The following HDAC8 variants were observed in gnomAD, a reference collection of about 807,000 sequenced individuals.
HDAC8 encodes the protein histone deacetylase 8.
A neutral mutation model predicts 32.2 loss-of-function variants in HDAC8; 1 was observed. The ratio of observed to expected loss-of-function variants is 0.03; its 90% CI spans 0.01 to 0.15. The LOEUF is 0.15. HDAC8 is among the 10% of genes least tolerant of loss of function. HDAC8 has a pLI of 1.00. For missense variants in HDAC8, 117 were observed against 300.0 expected (o/e 0.39, Z 4.51); for synonymous variants, 108 against 113.9 (o/e 0.95, Z 0.33).
intron 4 of HDAC8, among the ~76,000 whole-genome samples, chrX:72,559,495 G>A (rs1355900890): frequency 9.1e-6 from 1 of 109,979 alleles, no homozygotes; most frequent in African/African-American, 3.3e-5. Context: ...CCGCCACCCC[G>A]TCTGGGAAGT....
intron 7 of HDAC8, among the ~76,000 whole-genome samples, chrX:72,477,216 G>A (rs962924869): frequency 3.3e-4 from 37 of 111,788 alleles, no homozygotes; most frequent in African/African-American, 1.1e-3. Flanking sequence ...ACTATAGTTA[G>A]AACATTTACG....
intron 4 of HDAC8, among the ~76,000 whole-genome samples, chrX:72,521,840 C>T (rs1483274769): frequency 9.0e-6 from 1 of 110,920 alleles, no homozygotes; most frequent in Non-Finnish European, 1.9e-5. Context: ...CATTCTCGGT[C>T]CTCAACATAC....
At chrX:72,532,648 A>T (rs1294131778) in intron 4 of HDAC8, among the ~76,000 whole-genome samples, 4 of 109,867 alleles carry the variant, frequency 3.6e-5, no homozygotes, top group African/African-American at 1.3e-4. Context: ...TAATGCTCTT[A>T]TTGACTACTT....
intron 10 of HDAC8, among the ~76,000 whole-genome samples, chrX:72,337,030 G>A (rs2043715932): frequency 8.9e-6 from 1 of 112,386 alleles, no homozygotes; most frequent in African/African-American, 3.2e-5. Flanking sequence ...GATTACAGGA[G>A]TGAGCTACTG....
intron 4 of HDAC8, among the ~76,000 whole-genome samples, chrX:72,539,574 T>C (rs1305194348): frequency 9.0e-6 from 1 of 111,261 alleles, no homozygotes; most frequent in Non-Finnish European, 1.9e-5. Flanking sequence ...CTAAAACCAT[T>C]CTTAAAAAAT....
chrX:72,408,500 G>A (rs1017624768), intron 9 of HDAC8, among the ~76,000 whole-genome samples: 4 of 111,111 alleles, frequency 3.6e-5, no homozygotes, highest in African/African-American at 9.8e-5. Context: ...TCTGCCTCCC[G>A]GGTTCAAGTG....
chrX:72,404,853 T>C (rs1212862484), intron 9 of HDAC8, among the ~76,000 whole-genome samples: 18 of 111,091 alleles, frequency 1.6e-4, no homozygotes, highest in Non-Finnish European at 3.0e-4. Flanking sequence ...TAATTTCTTT[T>C]TTATTTACCT....
rs1305086570 is a variant in HDAC8, at chrX:72,329,576, G to C, written c.*478C>G. On this transcript the variant is annotated 3_prime_UTR_variant, in exon 11 of 11. Transcript: ENST00000373573. ...TATATAACACTAAAACAACACCAGC[G>C]GACTTCTCCCCACCTCCCAGTCTGC... 4 of 898,785 alleles carry C rather than the reference G, an allele frequency of 4.5e-6. No individual in the cohort carries two copies. The highest frequency in any genetic ancestry group is 2.0e-5 in the African/African-American group (1 of 49,090). The allele number at this position is 898,785 out of a possible 1,213,427, so 74.1% of individuals were successfully genotyped here.
chrX:72,552,824 T>C (rs1332315343), intron 4 of HDAC8, among the ~76,000 whole-genome samples: 1 of 88,831 alleles, frequency 1.1e-5, no homozygotes, highest in Non-Finnish European at 1.9e-5. Flanking sequence ...TACGTATATA[T>C]ACATATATAT....
At chrX:72,558,613 A>G (rs782734173) in intron 4 of HDAC8, among the ~76,000 whole-genome samples, 1 of 111,940 alleles carries the variant, frequency 8.9e-6, no homozygotes, top group Non-Finnish European at 1.9e-5. Flanking sequence ...ATAATCTACA[A>G]CAAACCCACG....
chrX:72,439,518 CA>C (rs1214866811), intron 9 of HDAC8, among the ~76,000 whole-genome samples: 1 of 108,091 alleles, frequency 9.3e-6, no homozygotes, highest in African/African-American at 3.4e-5. Context: ...CAAAGACTGG[CA>C]AACTGGATAA....
chrX:72,507,591 G>A (rs1569354891), intron 4 of HDAC8, among the ~76,000 whole-genome samples: 1 of 111,668 alleles, frequency 9.0e-6, no homozygotes, highest in African/African-American at 3.3e-5. Flanking sequence ...TTGTTTACCT[G>A]TCTCTATAAA....
chrX:72,385,286 G>T (rs1467693875), intron 9 of HDAC8, among the ~76,000 whole-genome samples: 1 of 110,803 alleles, frequency 9.0e-6, no homozygotes, highest in Non-Finnish European at 1.9e-5. Context: ...ACCATAGCAA[G>T]ATCTTGTCTC....
intron 9 of HDAC8, among the ~76,000 whole-genome samples, chrX:72,444,476 T>A (rs1399841094): frequency 1.0e-4 from 11 of 110,450 alleles, no homozygotes; most frequent in Admixed American, 8.7e-4. Flanking sequence ...GCCTTTGACA[T>A]AATTCAACAC....
chrX:72,529,259 ATGAT>A (rs1556034354), intron 4 of HDAC8, among the ~76,000 whole-genome samples: 1 of 112,476 alleles, frequency 8.9e-6, no homozygotes, highest in Non-Finnish European at 1.9e-5. Flanking sequence ...CTTTGCAGAT[ATGAT>A]TAAGTTAAGG....
At chrX:72,499,873 A>G (rs1046868502) in intron 4 of HDAC8, among the ~76,000 whole-genome samples, 2 of 111,710 alleles carry the variant, frequency 1.8e-5, no homozygotes, top group African/African-American at 6.5e-5. Flanking sequence ...TTAATAAGAT[A>G]GGCCGCTAGC....
Position 72,350,300 on chromosome X carries a change from A to G in HDAC8, c.1111+1433T>C, listed in dbSNP as rs2044141684. ...GCTGTGAGAATAACCTTGAGAGTCTATGACTTCTTAGCTTAAAAACTTTTC... is the reference window on the plus strand; with the variant it reads ...GCTGTGAGAATAACCTTGAGAGTCTGTGACTTCTTAGCTTAAAAACTTTTC... On this transcript the variant is annotated intron_variant, in intron 10 of 10. Transcript: ENST00000373573. Among the ~76,000 whole-genome samples the G allele has an allele frequency of 2.7e-5, 3 of 111,735 alleles. No individual in the cohort carries two copies. In the Admixed American group the frequency reaches 2.8e-4, roughly 11 times the overall value.
At chrX:72,429,902 C>T (rs1186218287) in intron 9 of HDAC8, among the ~76,000 whole-genome samples, 1 of 112,043 alleles carries the variant, frequency 8.9e-6, no homozygotes, top group Admixed American at 9.4e-5. Flanking sequence ...CTTCCAGGTG[C>T]AGAAATGAGG....
chrX:72,467,785 C>G (rs1176377491), intron 7 of HDAC8: 2 of 471,565 alleles, frequency 4.2e-6, no homozygotes, highest in Non-Finnish European at 6.8e-6. Context: ...AGGCCAGTGA[C>G]AGCAAGGATA....
Sources: gnomAD v4.1 joint callset for allele counts (sites outside exome capture counted in the v4.1 genomes callset) on GRCh38, gnomAD v4.1.1 for gene constraint, MANE v1.5 for transcripts, NCBI Gene and HGNC (gene_info 2026-07-23, HGNC 2026-07-21) for gene names.